C8orf34: variants seen among roughly 807,000 people sequenced by gnomAD.
C8orf34 encodes the protein chromosome 8 open reading frame 34.
Under a neutral mutation model 68.3 loss-of-function variants are expected in C8orf34, and 65 were observed. That is an observed-to-expected ratio of 0.95 (90% CI 0.78 to 1.17). C8orf34 has a LOEUF of 1.17. C8orf34 is among the 50% of genes most tolerant of loss of function. The pLI is 0.00. For missense variants in C8orf34, 664 were observed against 655.4 expected (o/e 1.01, Z -0.14); for synonymous variants, 244 against 241.2 (o/e 1.01, Z -0.11).
intron 1 of C8orf34, among the ~76,000 whole-genome samples, chr8:68,402,796 A>T (rs866068411): frequency 7.9e-5 from 12 of 152,162 alleles, no homozygotes; most frequent in African/African-American, 2.9e-4. Context: ...TTTGATTTTT[A>T]AAAATGTGAC....
intron 7 of C8orf34, chr8:68,535,620 A>G: frequency 1.0e-5 from 7 of 679,226 alleles, no homozygotes; most frequent in Non-Finnish European, 1.3e-5. Context: ...TTAATATTTA[A>G]TTATTCACAG....
intron 7 of C8orf34, among the ~76,000 whole-genome samples, chr8:68,562,675 C>G (rs115565017): frequency 2.4e-3 from 364 of 152,102 alleles, no homozygotes; most frequent in African/African-American, 7.8e-3. Context: ...TGCATGAAGG[C>G]AAAGAAGAGG....
intron 1 of C8orf34, among the ~76,000 whole-genome samples, chr8:68,339,585 C>T (rs1340752580): frequency 6.6e-6 from 1 of 151,832 alleles, no homozygotes; most frequent in Non-Finnish European, 1.5e-5. Flanking sequence ...ATTATATATG[C>T]TACCTGACTT....
At chr8:68,448,644 T>C (rs939736666) in intron 3 of C8orf34, among the ~76,000 whole-genome samples, 2 of 151,844 alleles carry the variant, frequency 1.3e-5, no homozygotes, top group Non-Finnish European at 2.9e-5. Context: ...AAAGAACAGA[T>C]TGGAAAAATA....
intron 1 of C8orf34, among the ~76,000 whole-genome samples, chr8:68,416,644 G>C (rs1809680765): frequency 6.6e-6 from 1 of 151,858 alleles, no homozygotes; most frequent in African/African-American, 2.4e-5. Flanking sequence ...TGATTCTTCT[G>C]CTTCAGCCTC....
chr8:68,795,137 T>C (rs1824140438), intron 12 of C8orf34, among the ~76,000 whole-genome samples: 1 of 152,172 alleles, frequency 6.6e-6, no homozygotes, highest in African/African-American at 2.4e-5. Flanking sequence ...GAATTTCTAG[T>C]TTGTTCCCTT....
intron 8 of C8orf34, among the ~76,000 whole-genome samples, chr8:68,671,519 G>C (rs1303984960): frequency 1.3e-5 from 2 of 152,140 alleles, no homozygotes; most frequent in African/African-American, 2.4e-5. Flanking sequence ...AGTTCTAATG[G>C]AGAGAAGTAG....
intron 1 of C8orf34, among the ~76,000 whole-genome samples, chr8:68,418,860 C>T (rs1425940742): frequency 6.6e-6 from 1 of 151,854 alleles, no homozygotes; most frequent in African/African-American, 2.4e-5. Context: ...AAACGTTAGA[C>T]CTAAAACCAT....
intron 1 of C8orf34, among the ~76,000 whole-genome samples, chr8:68,336,798 A>T (rs1805871110): frequency 6.6e-6 from 1 of 152,098 alleles, no homozygotes; most frequent in Admixed American, 6.6e-5. Context: ...CAAGGTTTGG[A>T]GTATCATATG....
intron 7 of C8orf34, among the ~76,000 whole-genome samples, chr8:68,546,710 A>G (rs893664835): frequency 3.3e-5 from 5 of 151,908 alleles, no homozygotes; most frequent in Admixed American, 6.6e-5. Flanking sequence ...TGAAATGTTT[A>G]TAGAAATAGT....
chr8:68,430,458 A>G (rs1810408476), intron 1 of C8orf34, among the ~76,000 whole-genome samples: 1 of 152,178 alleles, frequency 6.6e-6, no homozygotes, highest in Non-Finnish European at 1.5e-5. Flanking sequence ...GCTTACTTAT[A>G]GCCAATTGGT....
At chr8:68,429,028 T>C (rs1039989412) in intron 1 of C8orf34, among the ~76,000 whole-genome samples, 3 of 152,050 alleles carry the variant, frequency 2.0e-5, no homozygotes, top group African/African-American at 7.2e-5. Context: ...GAACATGAGA[T>C]AGAGGATTTT....
Position 68,668,990 on chromosome 8 carries a change from T to C in C8orf34, c.1241+28479T>C, listed in dbSNP as rs182732017. Among the ~76,000 whole-genome samples, 24 of 152,274 alleles carry C rather than the reference T, an allele frequency of 1.6e-4. No individual in the cohort carries two copies. The East Asian group carries it at 4.1e-3, about 26-fold the overall frequency. ...AGCCAATGACTTGATTTTGGGCTTG[T>C]TAGATGCTAAGCAGAGAACCTAGCC... is the stretch of plus-strand genomic sequence containing the variant. On this transcript the variant is annotated intron_variant, in intron 8 of 13. Coordinates refer to ENST00000518698, the MANE Select transcript of C8orf34 (RefSeq NM_052958.4).
At chr8:68,520,283 C>T (rs1358007968) in intron 5 of C8orf34, among the ~76,000 whole-genome samples, 3 of 152,088 alleles carry the variant, frequency 2.0e-5, no homozygotes, top group Non-Finnish European at 2.9e-5. Context: ...CAAATATGTT[C>T]TAAATCATAT....
At chr8:68,676,425 A>T (rs1332040202) in intron 8 of C8orf34, among the ~76,000 whole-genome samples, 1 of 152,206 alleles carries the variant, frequency 6.6e-6, no homozygotes, top group Non-Finnish European at 1.5e-5. Context: ...CCAATACAAT[A>T]ATAACTGGAG....
chr8:68,352,906 T>A (rs1806573327), intron 1 of C8orf34, among the ~76,000 whole-genome samples: 1 of 152,070 alleles, frequency 6.6e-6, no homozygotes, highest in Admixed American at 6.6e-5. Context: ...TTAAAAAGAA[T>A]CAGATAAATA....
At chr8:68,812,362 T>G (rs969093830) in intron 12 of C8orf34, among the ~76,000 whole-genome samples, 3 of 152,184 alleles carry the variant, frequency 2.0e-5, no homozygotes, top group Admixed American at 6.5e-5. Flanking sequence ...TACTTCAAAA[T>G]GACTTGTTTT....
At chr8:68,675,803 C>G (rs1243684874) in intron 8 of C8orf34, among the ~76,000 whole-genome samples, 1 of 152,060 alleles carries the variant, frequency 6.6e-6, no homozygotes, top group Non-Finnish European at 1.5e-5. Context: ...TATCCAATTG[C>G]TGAATGGATA....
chr8:68,765,134 G>C (rs1026976423), intron 10 of C8orf34, among the ~76,000 whole-genome samples: 3 of 152,100 alleles, frequency 2.0e-5, no homozygotes, highest in Non-Finnish European at 4.4e-5. Flanking sequence ...TGACAGCCAG[G>C]GATTTGTCCT....
Sources: gnomAD v4.1 joint callset for allele counts (sites outside exome capture counted in the v4.1 genomes callset) on GRCh38, gnomAD v4.1.1 for gene constraint, MANE v1.5 for transcripts, NCBI Gene and HGNC (gene_info 2026-07-23, HGNC 2026-07-21) for gene names.